The following PIBF1 variants were observed in gnomAD, a reference collection of about 807,000 sequenced individuals.
The protein encoded by PIBF1 is progesterone-induced-blocking factor 1.
PIBF1 carries 90 observed loss-of-function variants against 112.5 expected under a neutral mutation model. The ratio of observed to expected loss-of-function variants is 0.80; its 90% CI spans 0.67 to 0.95. The LOEUF (loss-of-function observed/expected upper bound fraction) is 0.95, where lower values mean the gene tolerates loss of function less well. Ranked by LOEUF, PIBF1 falls within the 40% of genes least tolerant of loss-of-function variation. The pLI is 0.00. For synonymous variants in PIBF1, 301 were observed against 288.6 expected (o/e 1.04, Z -0.44); for missense variants, 915 against 852.3 (o/e 1.07, Z -0.92).
At chr13:72,962,566 C>T (rs1017665512) in intron 14 of PIBF1, among the ~76,000 whole-genome samples, 3 of 149,684 alleles carry the variant, frequency 2.0e-5, no homozygotes, top group Non-Finnish European at 4.4e-5. Context: ...CACTGCACTC[C>T]AGACTAGGTG....
rs535143411 is a variant in PIBF1 at position 72,987,949 on chromosome 13, G to A, written c.2050-10873G>A. Among the ~76,000 whole-genome samples, 97 of 124,868 alleles carry A rather than the reference G, an allele frequency of 7.8e-4. 1 individual carries two copies. The highest frequency in any genetic ancestry group is 3.0e-3 in the African/African-American group (97 of 32,524). 81.9% of individuals were successfully genotyped at this position (124,868 alleles called of 152,430 possible). The stretch of plus-strand genomic sequence containing the variant: ...GTGATCTCGGCTCACTGCAACCTCC[G>A]CCCCCCGGGTTTATGTGATTCTCCT... On this transcript the variant is annotated intron_variant, in intron 16 of 17. Transcript: ENST00000326291.
Position 72,790,475 on chromosome 13 carries a change from A to G in PIBF1, c.253-1972A>G, listed in dbSNP as rs576775401. Among the ~76,000 whole-genome samples, 13 of 143,154 alleles carry G rather than the reference A, an allele frequency of 9.1e-5. No homozygotes were observed. In the South Asian group the frequency reaches 1.3e-3, roughly 14 times the overall value. 93.9% of individuals were successfully genotyped at this position (143,154 alleles called of 152,430 possible). ...CACACACACACACACTTATAGATAG[A>G]TCACACACACCCTTATAGATAGATC... On this transcript the variant is annotated intron_variant, in intron 2 of 17. Coordinates refer to ENST00000326291, the MANE Select transcript of PIBF1 (RefSeq NM_006346.4).
At chr13:72,848,489 G>A (rs2037971827) in intron 9 of PIBF1, among the ~76,000 whole-genome samples, 1 of 152,084 alleles carries the variant, frequency 6.6e-6, no homozygotes, top group Admixed American at 6.5e-5. Flanking sequence ...GCACTATATT[G>A]CATATGAATT....
intron 16 of PIBF1, among the ~76,000 whole-genome samples, chr13:72,976,290 GAGAA>G (rs779963825): frequency 6.6e-6 from 1 of 151,604 alleles, no homozygotes; most frequent in South Asian, 2.1e-4. Context: ...AAGAAAGAAA[GAGAA>G]AGAGGGAGGG....
intron 15 of PIBF1, among the ~76,000 whole-genome samples, chr13:72,969,913 GC>G (rs1353567855): frequency 6.6e-6 from 1 of 152,020 alleles, no homozygotes; most frequent in Non-Finnish European, 1.5e-5. Flanking sequence ...ATTAATGATG[GC>G]CCATCCAAAA....
At chr13:72,952,385 T>C (rs1410285112) in intron 14 of PIBF1, among the ~76,000 whole-genome samples, 2 of 151,954 alleles carry the variant, frequency 1.3e-5, no homozygotes, top group African/African-American at 4.8e-5. Flanking sequence ...GGTTTTCACC[T>C]TTCTCTCATA....
intron 16 of PIBF1, among the ~76,000 whole-genome samples, chr13:72,990,080 G>T (rs2043424555): frequency 6.6e-6 from 1 of 151,680 alleles, no homozygotes; most frequent in African/African-American, 2.4e-5. Flanking sequence ...TGGGCGTGGT[G>T]GTGCACACCT....
At chr13:72,987,749 C>A (rs2043336445) in intron 16 of PIBF1, among the ~76,000 whole-genome samples, 1 of 148,890 alleles carries the variant, frequency 6.7e-6, no homozygotes, top group Non-Finnish European at 1.5e-5. Flanking sequence ...TGGACTCAAG[C>A]AATCCACCTG....
chr13:73,005,509 A>G (rs1173398313), intron 17 of PIBF1, among the ~76,000 whole-genome samples: 1 of 151,696 alleles, frequency 6.6e-6, no homozygotes, highest in Non-Finnish European at 1.5e-5. Context: ...ATATAAAATA[A>G]AAAATAAATT....
At chr13:72,835,780 G>C (rs1409151938) in intron 9 of PIBF1, among the ~76,000 whole-genome samples, 2 of 152,168 alleles carry the variant, frequency 1.3e-5, no homozygotes, top group Admixed American at 1.3e-4. Flanking sequence ...GGCTCCGAAA[G>C]ATGTCGTATT....
intron 5 of PIBF1, among the ~76,000 whole-genome samples, chr13:72,819,801 G>A (rs573245042): frequency 3.9e-5 from 6 of 151,906 alleles, no homozygotes; most frequent in African/African-American, 9.6e-5. Flanking sequence ...GTTGGTTCTC[G>A]GTAATATTTC....
chr13:72,910,682 A>G (rs1363407548), intron 12 of PIBF1, among the ~76,000 whole-genome samples: 1 of 152,234 alleles, frequency 6.6e-6, no homozygotes, highest in Non-Finnish European at 1.5e-5. Context: ...TATAAAAATC[A>G]GAAAGGAATA....
intron 10 of PIBF1, among the ~76,000 whole-genome samples, chr13:72,858,037 G>A (rs941100026): frequency 6.6e-6 from 1 of 151,094 alleles, no homozygotes; most frequent in East Asian, 2.0e-4. Flanking sequence ...GTGTGTGTGT[G>A]TGTGTGTGTG....
intron 17 of PIBF1, among the ~76,000 whole-genome samples, chr13:73,007,041 CATAT>C (rs996372504): frequency 6.6e-5 from 10 of 150,466 alleles, no homozygotes; most frequent in African/African-American, 2.4e-4. Context: ...AATATATATG[CATAT>C]ATAGTTTATA....
At chr13:72,987,753 C>A (rs1167683905) in intron 16 of PIBF1, among the ~76,000 whole-genome samples, 1 of 148,768 alleles carries the variant, frequency 6.7e-6, no homozygotes, top group Admixed American at 6.7e-5. Context: ...CTCAAGCAAT[C>A]CACCTGCCTT....
intron 9 of PIBF1, among the ~76,000 whole-genome samples, chr13:72,842,057 A>T (rs1246811744): frequency 6.6e-6 from 1 of 152,200 alleles, no homozygotes; most frequent in African/African-American, 2.4e-5. Flanking sequence ...CATAGCATTT[A>T]ACCAGTTTTC....
rs1053375484 is a variant in PIBF1, at chr13:72,844,783, A to G, written c.1224-9274A>G. On this transcript the variant is annotated intron_variant, in intron 9 of 17. Coordinates refer to ENST00000326291, the MANE Select transcript of PIBF1 (RefSeq NM_006346.4). ...CACACACACACACACACACACACAC[A>G]CACACACACACACACACGGATGAAG... Among the ~76,000 whole-genome samples, 192 of 121,118 alleles carry G rather than the reference A, an allele frequency of 1.6e-3. 1 individual carries two copies. Among genetic ancestry groups the G allele is most frequent in the African/African-American group, 5.9e-3 (187 of 31,580 alleles). 79.5% of individuals were successfully genotyped at this position (121,118 alleles called of 152,430 possible). A position where few individuals can be genotyped will look rare whatever the true frequency, so the allele number is the denominator to read the frequency against.
At chr13:72,898,418 A>G (rs1005739079) in intron 11 of PIBF1, among the ~76,000 whole-genome samples, 5 of 152,192 alleles carry the variant, frequency 3.3e-5, no homozygotes, top group African/African-American at 9.6e-5. Flanking sequence ...AGAAACAAGA[A>G]TAAACCAAAC....
At chr13:72,911,743 A>C (rs75272348) in intron 12 of PIBF1, among the ~76,000 whole-genome samples, 14 of 152,248 alleles carry the variant, frequency 9.2e-5, no homozygotes, top group African/African-American at 3.4e-4. Flanking sequence ...ACCCAAAATA[A>C]GAAAATATTG....
Sources: gnomAD v4.1 joint callset for allele counts (sites outside exome capture counted in the v4.1 genomes callset) on GRCh38, gnomAD v4.1.1 for gene constraint, MANE v1.5 for transcripts, NCBI Gene and HGNC (gene_info 2026-07-23, HGNC 2026-07-21) for gene names.